POU3F3: variants seen among roughly 807,000 people sequenced by gnomAD.
POU3F3 encodes the protein POU domain, class 3, transcription factor 3.
A neutral mutation model predicts 8.6 loss-of-function variants in POU3F3; 1 was observed. That is an observed-to-expected ratio of 0.12 (90% confidence interval 0.04 to 0.55). The LOEUF (loss-of-function observed/expected upper bound fraction) is 0.55, where lower values mean the gene tolerates loss of function less well. Ranked by LOEUF, POU3F3 falls within the 20% of genes least tolerant of loss-of-function variation. POU3F3 has a pLI of 0.91. For missense variants in POU3F3, 577 were observed against 690.7 expected (o/e 0.84, Z 1.84); for synonymous variants, 418 against 327.4 (o/e 1.28, Z -2.99).
At chr2:104,915,531 C>T in the POU3F3 span, among the ~76,000 whole-genome samples, 1 of 152,076 alleles carries the variant, frequency 6.6e-6, no homozygotes, top group African/African-American at 2.4e-5. Context: ...TAGGGAAGTC[C>T]CACTCTGTCT....
At chr2:104,870,894 A>T in the POU3F3 span, among the ~76,000 whole-genome samples, 1 of 152,338 alleles carries the variant, frequency 6.6e-6, no homozygotes, top group South Asian at 2.1e-4. Context: ...TTACACCAAT[A>T]TACCGTTCTC....
the POU3F3 span, among the ~76,000 whole-genome samples, chr2:104,873,051 T>G: frequency 6.6e-6 from 1 of 152,236 alleles, no homozygotes; most frequent in Non-Finnish European, 1.5e-5. Context: ...GTTTGCCCTT[T>G]GTTTCTGGAA....
chr2:104,925,990 C>T, the POU3F3 span: 5 of 152,178 alleles, frequency 3.3e-5, no homozygotes, highest in South Asian at 1.0e-3. Context: ...CAAGGTGCTG[C>T]CGGATTTGGT....
the POU3F3 span, chr2:104,867,029 C>T: frequency 6.6e-6 from 1 of 152,284 alleles, no homozygotes; most frequent in Non-Finnish European, 1.5e-5. The surrounding 1 kb of genome is among the most constrained non-coding windows in gnomAD (Gnocchi z 5.0). Context: ...AGATTACCCC[C>T]TCCTCTGTGC....
At chr2:104,862,089 C>A (rs1055245684), downstream of POU3F3, among the ~76,000 whole-genome samples, 10 of 152,318 alleles carry the variant, frequency 6.6e-5, no homozygotes, top group African/African-American at 2.2e-4. Context: ...AATTAGATTA[C>A]TCTCTCTTTC....
At chr2:104,922,638 C>G in the POU3F3 span, among the ~76,000 whole-genome samples, 1 of 152,118 alleles carries the variant, frequency 6.6e-6, no homozygotes, top group East Asian at 1.9e-4. Context: ...GAAAAGTAAA[C>G]ACAGCCTCAG....
chr2:104,856,716 G>T lies in POU3F3; in HGVS notation c.1206G>T (p.Ala402=), dbSNP rs140129722. 5 of 1,614,008 alleles carry T rather than the reference G, an allele frequency of 3.1e-6. No homozygotes were observed. The highest frequency in any genetic ancestry group is 4.5e-5 in the East Asian group (2 of 44,872). ...GSPTSIDKIA[A]QGRKRKKRTS... ...CCACAAGCATCGACAAGATCGCGGC[G>T]CAGGGCCGCAAGCGCAAGAAGCGGA... Residue 402 remains alanine, a synonymous_variant, in exon 1 of 1, where the codon GCG becomes GCT. Coordinates refer to ENST00000361360, the MANE Select transcript of POU3F3 (RefSeq NM_006236.3).
chr2:104,896,599 A>C, the POU3F3 span, among the ~76,000 whole-genome samples: 1 of 151,494 alleles, frequency 6.6e-6, no homozygotes, highest in Non-Finnish European at 1.5e-5. Context: ...AGGCATCCTC[A>C]GGAAAGGCTG....
At chr2:104,923,780 AAGAGACTCACTTTAGCTCC>A in the POU3F3 span, among the ~76,000 whole-genome samples, 1 of 152,220 alleles carries the variant, frequency 6.6e-6, no homozygotes, top group African/African-American at 2.4e-5. Flanking sequence ...AACTATGCAC[AAGAGACTCACTTTAGCTCC>A]AGGGACCAAA....
rs779743162 is a variant in POU3F3, at chr2:104,855,191, T to A, written c.-320T>A. Among the ~76,000 whole-genome samples, 4 of 150,800 alleles carry A rather than the reference T, an allele frequency of 2.7e-5. No homozygotes were observed. The highest frequency in any genetic ancestry group is 5.9e-5 in the Non-Finnish European group (4 of 67,716). On this transcript the variant is annotated 5_prime_UTR_variant, in exon 1 of 1. Transcript: ENST00000361360. ...GCGCACCCCGAGAAGCGAGCCCCCC[T>A]CCCCAGAGCGCTGCTCCTGCGGCTG...
At chr2:104,904,431 A>G in the POU3F3 span, among the ~76,000 whole-genome samples, 3 of 152,206 alleles carry the variant, frequency 2.0e-5, no homozygotes, top group East Asian at 1.9e-4. Flanking sequence ...TTGTATTTAT[A>G]TAAAAAATCA....
At chr2:104,899,995 C>T in the POU3F3 span, among the ~76,000 whole-genome samples, 1 of 152,210 alleles carries the variant, frequency 6.6e-6, no homozygotes, top group Non-Finnish European at 1.5e-5. Flanking sequence ...AAATCCTGCC[C>T]TCCAGGATCA....
At chr2:104,885,926 A>G in the POU3F3 span, among the ~76,000 whole-genome samples, 2 of 152,034 alleles carry the variant, frequency 1.3e-5, no homozygotes, top group Admixed American at 6.6e-5. Flanking sequence ...CCCCCAGAGT[A>G]GCTGGGATTA....
the POU3F3 span, among the ~76,000 whole-genome samples, chr2:104,923,380 A>G: frequency 6.6e-6 from 1 of 152,194 alleles, no homozygotes; most frequent in Non-Finnish European, 1.5e-5. Flanking sequence ...TGTAACACCA[A>G]TACCTGAAAG....
the POU3F3 span, among the ~76,000 whole-genome samples, chr2:104,863,922 A>AGGCGGCCGGC: frequency 1.3e-5 from 2 of 152,208 alleles, no homozygotes; most frequent in Admixed American, 6.5e-5. Flanking sequence ...GCAAGGCCGG[A>AGGCGGCCGGC]GGCGGCCGGC....
chr2:104,856,710 C>T lies in POU3F3; in HGVS notation c.1200C>T (p.Ile400=), dbSNP rs143105467. 37 of 1,613,940 alleles carry T rather than the reference C, an allele frequency of 2.3e-5. No individual in the cohort carries two copies. The African/African-American group carries it at 3.5e-4, about 15-fold the overall frequency. The change falls in exon 1 of 1, where the codon ATC becomes ATT. Residue 400 remains isoleucine, a synonymous_variant. Coordinates refer to ENST00000361360, the MANE Select transcript of POU3F3 (RefSeq NM_006236.3). ...GCAGCCCCACAAGCATCGACAAGAT[C>T]GCGGCGCAGGGCCGCAAGCGCAAGA... ...STGSPTSIDK[I]AAQGRKRKKR... is the part of the protein sequence containing the mutation.
the POU3F3 span, among the ~76,000 whole-genome samples, chr2:104,864,893 T>C: frequency 2.0e-5 from 3 of 152,196 alleles, no homozygotes; most frequent in Non-Finnish European, 4.4e-5. Context: ...AATTGCCCAG[T>C]GGAAATGGAC....
chr2:104,864,345 C>A, the POU3F3 span, among the ~76,000 whole-genome samples: 3 of 152,206 alleles, frequency 2.0e-5, no homozygotes, highest in Non-Finnish European at 4.4e-5. Context: ...GAGCCATTCC[C>A]CCTTCCCCCC....
chr2:104,895,977 G>A, the POU3F3 span, among the ~76,000 whole-genome samples: 61 of 152,304 alleles, frequency 4.0e-4, no homozygotes, highest in Non-Finnish European at 7.3e-4. Flanking sequence ...CTGCAGGTGG[G>A]CAGCTGGGGC....
Sources: allele counts gnomAD v4.1 joint callset (sites outside exome capture counted in the v4.1 genomes callset), GRCh38; gene constraint gnomAD v4.1.1; non-coding constraint Gnocchi (gnomAD v3.1); transcripts MANE v1.5; gene names NCBI Gene and HGNC (gene_info 2026-07-23, HGNC 2026-07-21).